The following DECR2 variants were observed in gnomAD, a reference collection of about 807,000 sequenced individuals.
The protein encoded by DECR2 is 2,4-dienoyl-CoA reductase 2.
In DECR2, 34 loss-of-function variants were observed where a neutral mutation model predicts 29.2. That is an observed-to-expected ratio of 1.16 (90% CI 0.89 to 1.55). The LOEUF (loss-of-function observed/expected upper bound fraction) is 1.55, where lower values mean the gene tolerates loss of function less well. Among genes scored for constraint, DECR2 ranks in the 40% most tolerant of loss-of-function variants. The pLI, the probability that DECR2 is intolerant of heterozygous loss-of-function variation, is 0.00. For missense variants in DECR2, 485 were observed against 425.3 expected, an observed-to-expected ratio of 1.14 and a Z score of -1.23; for synonymous variants, 224 against 182.7, an observed-to-expected ratio of 1.23 and a Z score of -1.82.
intron 3 of DECR2, 131 bp downstream of exon 3, chr16:406,528 C>T (rs181575514): frequency 1.4e-4 from 122 of 857,810 alleles, no homozygotes; most frequent in Admixed American, 2.6e-4. Context: ...ACGGGAGTCT[C>T]GCTCTGTCAC....
chr16:404,856 C>A, intron 1 of DECR2, 100 bp from the exon 2 acceptor site: 1 of 1,138,066 alleles, frequency 8.8e-7, no homozygotes, highest in Non-Finnish European at 1.3e-6. Flanking sequence ...TCTCGATCTC[C>A]TGACCTTGTG....
chr16:402,442 G>A (rs1158261947), intron 1 of DECR2, among the ~76,000 whole-genome samples: 5 of 151,958 alleles, frequency 3.3e-5, no homozygotes, highest in African/African-American at 4.8e-5. Flanking sequence ...GCCCAACCTG[G>A]CCTCTTTCTT....
At chr16:406,074 C>T (rs1337645230) in intron 2 of DECR2, among the ~76,000 whole-genome samples, 1 of 152,204 alleles carries the variant, frequency 6.6e-6, no homozygotes, top group African/African-American at 2.4e-5. Flanking sequence ...GGCTGGGCGT[C>T]TGTGGCTCAC....
At chr16:403,369 G>T (rs2054689845) in intron 1 of DECR2, among the ~76,000 whole-genome samples, 1 of 152,140 alleles carries the variant, frequency 6.6e-6, no homozygotes, top group African/African-American at 2.4e-5. Flanking sequence ...TTGGAGATCA[G>T]CAAAAGTTTG....
rs2054794242 is a variant in DECR2, at chr16:410,235, T to G, written c.338-8T>G. 8 of 1,612,400 alleles carry G rather than the reference T, an allele frequency of 5.0e-6. No homozygotes were observed. Among genetic ancestry groups the G allele is most frequent in the Non-Finnish European group, 6.8e-6 (8 of 1,179,372 alleles). On this transcript the variant is annotated splice_region_variant and splice_polypyrimidine_tract_variant and intron_variant, in intron 4 of 8. Transcript: ENST00000219481. The surrounding 1 kb of genome is among the most constrained non-coding windows in gnomAD (Gnocchi z 4.1). ...CTCCAGCAGCTCCTGCGGTCTCCCA[T>G]TCTGCAGGTGCGGCCGGGAACTTCC...
At position 410,492 on chromosome 16, in the gene DECR2, C is replaced by G; in HGVS notation, c.462+125C>G. ...AAGTTCTTCCGGGTGGGTGTACTCC[C>G]AGCGGGGGCCTCCCCCTGACGGCCG... is the stretch of plus-strand genomic sequence containing the variant. On this transcript the variant is annotated intron_variant, in intron 5 of 8. Transcript: ENST00000219481. The surrounding 1 kb of genome is among the most constrained non-coding windows in gnomAD (Gnocchi z 4.1). 1 of 1,377,752 alleles carries G rather than the reference C, an allele frequency of 7.3e-7. No homozygotes were observed. The allele number at this position is 1,377,752 out of a possible 1,614,324, so 85.3% of individuals were successfully genotyped here.
intron 2 of DECR2, 49 bp from the exon 3 acceptor site, chr16:406,297 G>T (rs2141807537): frequency 3.1e-6 from 5 of 1,589,954 alleles, no homozygotes; most frequent in Non-Finnish European, 4.3e-6. Context: ...AGATGCCCCG[G>T]GAGTGCCCCT....
In DECR2 at chr16:401,886, A is replaced by C. The variant is rs908084745; in HGVS notation, c.-78A>C. On this transcript the variant is annotated 5_prime_UTR_variant, in exon 1 of 9. Coordinates refer to ENST00000219481, the MANE Select transcript of DECR2 (RefSeq NM_020664.4). ...GGGGCGGGGCTCCCGGTTCCAGGCGAGTTCGCAGCTGCGCGCCGGGTCCTG... is the reference window on the plus strand; with the variant it reads ...GGGGCGGGGCTCCCGGTTCCAGGCGCGTTCGCAGCTGCGCGCCGGGTCCTG... 125 of 1,293,384 alleles carry C rather than the reference A, an allele frequency of 9.7e-5. No homozygotes were observed. The African/African-American group carries it at 1.8e-3, about 18-fold the overall frequency. 80.1% of individuals were successfully genotyped at this position (1,293,384 alleles called of 1,614,324 possible).
intron 1 of DECR2, 53 bp from the exon 2 acceptor site, chr16:404,903 A>ACCGGC (rs2054706605): frequency 3.8e-6 from 6 of 1,599,794 alleles, no homozygotes; most frequent in Non-Finnish European, 5.1e-6. Context: ...GCTGGGAGCC[A>ACCGGC]CCGGCCCGGC....
rs1188324928 is a variant in DECR2 at position 401,921 on chromosome 16, G to A, written c.-43G>A. On this transcript the variant is annotated 5_prime_UTR_variant, in exon 1 of 9. Transcript: ENST00000219481. ...TGCGCGCCGGGTCCTGGAGGCCGAG[G>A]CCGCTCCCGCCCGTTGTCCCCGCAG... 3 of 1,466,704 alleles carry A rather than the reference G, an allele frequency of 2.0e-6. No individual in the cohort carries two copies. Among genetic ancestry groups the A allele is most frequent in the South Asian group, 2.6e-5 (2 of 77,290 alleles). The allele number at this position is 1,466,704 out of a possible 1,614,324, so 90.9% of individuals were successfully genotyped here. A position where few individuals can be genotyped will look rare whatever the true frequency, so the allele number is the denominator to read the frequency against.
intron 1 of DECR2, chr16:403,080 G>C: frequency 2.1e-6 from 2 of 971,576 alleles, no homozygotes; most frequent in Non-Finnish European, 2.4e-6. Flanking sequence ...TTTCGAAACG[G>C]AGTCTCATTC....
At chr16:402,152 C>A in intron 1 of DECR2, 109 bp downstream of exon 1, 1 of 853,324 alleles carries the variant, frequency 1.2e-6, no homozygotes, top group Non-Finnish European at 1.6e-6. Flanking sequence ...ACCTGTCTTG[C>A]CTGGCTCCTT....
chr16:406,966 C>T, intron 3 of DECR2: 1 of 1,020,002 alleles, frequency 9.8e-7, no homozygotes, highest in Non-Finnish European at 1.2e-6. Flanking sequence ...AGTGGCCTCC[C>T]AGAGACATCT....
Position 407,309 on chromosome 16 carries a change from G to A in DECR2, c.202-116G>A, listed in dbSNP as rs2054736817. The A allele has an allele frequency of 7.4e-6, 11 of 1,479,176 alleles. No individual in the cohort carries two copies. In the East Asian group the frequency reaches 1.8e-4, roughly 25 times the overall value. 91.6% of individuals were successfully genotyped at this position (1,479,176 alleles called of 1,614,324 possible). On this transcript the variant is annotated intron_variant, in intron 3 of 8. Transcript: ENST00000219481. The stretch of plus-strand genomic sequence containing the variant: ...CTGTGCTTCCCCAGAGTGGGGTCCA[G>A]CAGCAAACCCAGGGTCCCCGAGGAA...
At chr16:404,184 A>T (rs1282878665) in intron 1 of DECR2, among the ~76,000 whole-genome samples, 3 of 151,082 alleles carry the variant, frequency 2.0e-5, no homozygotes, top group African/African-American at 7.4e-5. Context: ...AAAAAAATAA[A>T]AAATAAATAA....
intron 3 of DECR2, chr16:406,733 C>T (rs954877350): frequency 4.9e-6 from 3 of 611,396 alleles, no homozygotes; most frequent in South Asian, 3.8e-5. Context: ...TTCCTGACCT[C>T]AGGTGATCCG....
In DECR2 at chr16:402,057, G is replaced by C. The variant is rs1006103000; in HGVS notation, c.80+14G>C. On this transcript the variant is annotated intron_variant, in intron 1 of 8. Coordinates refer to ENST00000219481, the MANE Select transcript of DECR2 (RefSeq NM_020664.4). ...GGACCTGCTGCGGTGAGCGGGGCCT[G>C]GGAAGCGAGCGCAGCCTTGGTGCGG... is the stretch of plus-strand genomic sequence containing the variant. 7 of 1,370,644 alleles carry C rather than the reference G, an allele frequency of 5.1e-6. No homozygotes were observed. Among genetic ancestry groups the C allele is most frequent in the Non-Finnish European group, 6.6e-6 (7 of 1,058,048 alleles). 84.9% of individuals were successfully genotyped at this position (1,370,644 alleles called of 1,614,324 possible).
Position 411,880 on chromosome 16 carries a change from A to G in DECR2, c.*1-10A>G. On this transcript the variant is annotated splice_polypyrimidine_tract_variant and intron_variant, in intron 8 of 8. Transcript: ENST00000219481. Reference sequence around the variant, plus strand: ...CCTCAGCCGGCTACTAAGTTCTGAAACTCCTGCAGGAATCTTCCGGCCGCT... The same window carrying G: ...CCTCAGCCGGCTACTAAGTTCTGAAGCTCCTGCAGGAATCTTCCGGCCGCT... 8.2e-6 allele frequency: 3 copies of G among 364,138 alleles called. No homozygotes were observed. Among genetic ancestry groups the G allele is most frequent in the South Asian group, 7.4e-5 (1 of 13,526 alleles). The allele number at this position is 364,138 out of a possible 1,614,324, so 22.6% of individuals were successfully genotyped here.
intron 1 of DECR2, chr16:402,965 T>A (rs901269560): frequency 2.5e-5 from 23 of 930,380 alleles, no homozygotes; most frequent in Non-Finnish European, 2.7e-5. Flanking sequence ...GCAACAAGAG[T>A]GAAACTCCAT....
Sources: gnomAD v4.1 joint callset for allele counts (sites outside exome capture counted in the v4.1 genomes callset) on GRCh38, gnomAD v4.1.1 for gene constraint, Gnocchi (gnomAD v3.1) non-coding constraint, MANE v1.5 for transcripts, NCBI Gene and HGNC (gene_info 2026-07-23, HGNC 2026-07-21) for gene names.